PCDHA12: variants seen among roughly 807,000 people sequenced by gnomAD.
PCDHA12 encodes the protein protocadherin alpha-12.
PCDHA12 carries 44 observed loss-of-function variants against 60.0 expected under a neutral mutation model. The ratio of observed to expected loss-of-function variants is 0.73; its 90% CI spans 0.58 to 0.94. The LOEUF (loss-of-function observed/expected upper bound fraction) is 0.94. PCDHA12 is among the 40% of genes least tolerant of loss of function. The pLI is 0.00. For missense variants in PCDHA12, 1,276 were observed against 1,239.7 expected, an observed-to-expected ratio of 1.03 and a Z score of -0.44; for synonymous variants, 569 against 553.0, an observed-to-expected ratio of 1.03 and a Z score of -0.40.
chr5:140,949,935 T>C (rs1554219235), intron 1 of PCDHA12, among the ~76,000 whole-genome samples: 1 of 151,898 alleles, frequency 6.6e-6, no homozygotes, highest in East Asian at 1.9e-4. Context: ...TTTTTTTTAA[T>C]TTGCATTTTT....
intron 1 of PCDHA12, chr5:140,927,907 G>A (rs1179807732): frequency 4.9e-5 from 79 of 1,614,038 alleles, no homozygotes; most frequent in Non-Finnish European, 6.6e-5. Flanking sequence ...TCATGCCCCC[G>A]AACTGGACTT....
chr5:140,883,870 G>A, intron 1 of PCDHA12: 1 of 1,613,302 alleles, frequency 6.2e-7, no homozygotes. Flanking sequence ...TGCAGTTCCA[G>A]GTGAGCGCGC....
At position 140,877,008 on chromosome 5, in the gene PCDHA12, G is replaced by A. The variant is rs368922456; in HGVS notation, c.1536G>A (p.Ala512=). The change falls in exon 1 of 4, where the codon GCG becomes GCA. Residue 512 remains alanine (A), a synonymous_variant. Coordinates refer to ENST00000398631, the MANE Select transcript of PCDHA12 (RefSeq NM_018903.4). ...HALSSYVSVH[A]ESGKVYALQP... is the part of the protein sequence containing the mutation. Reference sequence around the variant, plus strand: ...TGTCGAGCTACGTGTCGGTGCACGCGGAGAGCGGCAAGGTGTACGCGCTGC... The same window carrying A: ...TGTCGAGCTACGTGTCGGTGCACGCAGAGAGCGGCAAGGTGTACGCGCTGC... 82 of 1,612,526 alleles carry A rather than the reference G, an allele frequency of 5.1e-5. No homozygotes were observed. The African/African-American group carries it at 9.3e-4, about 18-fold the overall frequency.
Position 140,960,269 on chromosome 5 carries a change from G to A in PCDHA12, c.2368-18680G>A, listed in dbSNP as rs148980300. On this transcript the variant is annotated intron_variant, in intron 1 of 3. Transcript: ENST00000398631. ...CTTCCTGGAGCTTCTGATAAATTCC[G>A]TCACCTTTTTGGGACCCAGTTTCTT... is the stretch of plus-strand genomic sequence containing the variant. Among the ~76,000 whole-genome samples, 355 of 152,162 alleles carry A rather than the reference G, an allele frequency of 2.3e-3. 1 individual carries two copies. The highest frequency in any genetic ancestry group is 7.0e-3 in the African/African-American group (290 of 41,548).
chr5:140,881,757 A>G (rs1238055344), intron 1 of PCDHA12, among the ~76,000 whole-genome samples: 1 of 152,166 alleles, frequency 6.6e-6, no homozygotes, highest in Non-Finnish European at 1.5e-5. Flanking sequence ...TACCACAAAA[A>G]CCTACATGAC....
chr5:140,877,540 G>A lies in PCDHA12; in HGVS notation c.2068G>A (p.Glu690Lys), dbSNP rs1044322759. 1.2e-6 allele frequency: 2 copies of A among 1,613,770 alleles called. No individual in the cohort carries two copies. The highest frequency in any genetic ancestry group is 2.2e-5 in the East Asian group (1 of 44,882). The change falls in exon 1 of 4, where the codon GAA becomes AAA. Residue 690 changes from glutamate to lysine, a missense_variant. Physicochemically the swap from Glu to Lys is moderately conservative, Grantham distance 56 (BLOSUM62 1). Transcript: ENST00000398631. Reference sequence around the variant, plus strand: ...GGCCTCAGTGGGCGCTGTGGATCCCGAAGCGGCTCTGGTGGATATTAACGT... The same window carrying A: ...GGCCTCAGTGGGCGCTGTGGATCCCAAAGCGGCTCTGGTGGATATTAACGT... ...SRASVGAVDP[E>K]AALVDINVYL...
intron 1 of PCDHA12, among the ~76,000 whole-genome samples, chr5:140,916,789 C>T (rs146305877): frequency 2.8e-4 from 42 of 152,168 alleles, no homozygotes; most frequent in Non-Finnish European, 4.7e-4. Context: ...TTAGCTGCCC[C>T]AGCTGATGAC....
intron 1 of PCDHA12, chr5:140,882,740 T>A (rs1554175394): frequency 6.2e-7 from 1 of 1,614,198 alleles, no homozygotes; most frequent in African/African-American, 1.3e-5. Flanking sequence ...AGATGGCGCA[T>A]CCGATGCAGA....
chr5:140,876,056 T>G lies in PCDHA12; in HGVS notation c.584T>G (p.Val195Gly). The change falls in exon 1 of 4, where the codon GTT becomes GGT. Residue 195 changes from valine (V) to glycine (G), a missense_variant. Coordinates refer to ENST00000398631, the MANE Select transcript of PCDHA12 (RefSeq NM_018903.4). ...GATAAAAGTATATTGCCTGAATTAG[T>G]TCTTCGGAAGTTATTGGACAGAGAG... The part of the protein sequence containing the change: ...KKDKSILPEL[V>G]LRKLLDREQT... 1 of 1,613,918 alleles carries G rather than the reference T, an allele frequency of 6.2e-7. No homozygotes were observed. Among genetic ancestry groups the G allele is most frequent in the Non-Finnish European group, 8.5e-7 (1 of 1,179,896 alleles).
chr5:140,917,777 T>C (rs913092177), intron 1 of PCDHA12, among the ~76,000 whole-genome samples: 7 of 152,214 alleles, frequency 4.6e-5, no homozygotes, highest in Non-Finnish European at 1.0e-4. Context: ...ATTAGTACCA[T>C]GTTGTTTTGG....
rs868916626 is a variant in PCDHA12, at chr5:140,946,629, T to C, written c.2368-32320T>C. 3.4e-3 allele frequency among the ~76,000 whole-genome samples: 415 copies of C among 123,330 alleles called. 16 individuals carry two copies. The highest frequency in any genetic ancestry group is 0.017 in the Middle Eastern group (4 of 240). The allele number at this position is 123,330 out of a possible 152,430, so 80.9% of individuals were successfully genotyped here. On this transcript the variant is annotated intron_variant, in intron 1 of 3. Coordinates refer to ENST00000398631, the MANE Select transcript of PCDHA12 (RefSeq NM_018903.4). ...AATGTGAAATATATATATATATATATATACAATGGAATACTCATCAGCCAT... is the reference window on the plus strand; with the variant it reads ...AATGTGAAATATATATATATATATACATACAATGGAATACTCATCAGCCAT...
intron 3 of PCDHA12, among the ~76,000 whole-genome samples, chr5:141,004,120 T>C (rs1340380913): frequency 6.6e-6 from 1 of 152,178 alleles, no homozygotes; most frequent in African/African-American, 2.4e-5. Flanking sequence ...AAAGGGAGTA[T>C]CTCCATGATT....
chr5:141,000,304 G>A (rs1225893261), intron 3 of PCDHA12, among the ~76,000 whole-genome samples: 1 of 147,530 alleles, frequency 6.8e-6, no homozygotes, highest in Non-Finnish European at 1.5e-5. Context: ...GAGGCCAGGA[G>A]TTCAAGACCA....
intron 1 of PCDHA12, among the ~76,000 whole-genome samples, chr5:140,925,526 C>T (rs2153578026): frequency 6.6e-6 from 1 of 152,028 alleles, no homozygotes; most frequent in Non-Finnish European, 1.5e-5. Flanking sequence ...AAATTAAAAG[C>T]GAGGAGAAAT....
intron 1 of PCDHA12, among the ~76,000 whole-genome samples, chr5:140,977,937 T>C (rs1264352481): frequency 5.3e-5 from 8 of 152,162 alleles, no homozygotes; most frequent in African/African-American, 1.9e-4. Flanking sequence ...TATACCTCAA[T>C]ATTCAGTGAC....
chr5:140,938,237 T>A (rs1287300526), intron 1 of PCDHA12, among the ~76,000 whole-genome samples: 1 of 152,208 alleles, frequency 6.6e-6, no homozygotes, highest in African/African-American at 2.4e-5. Context: ...TAGGCCACCA[T>A]GCCTGGTCTT....
At chr5:140,997,563 A>G (rs891862395) in intron 3 of PCDHA12, among the ~76,000 whole-genome samples, 7 of 152,202 alleles carry the variant, frequency 4.6e-5, no homozygotes, top group Non-Finnish European at 8.8e-5. Context: ...GACAACTGTC[A>G]TATGTGTGGT....
At chr5:140,968,808 TGGATAGGG>T (rs782488281) in intron 1 of PCDHA12, 2 of 1,614,204 alleles carry the variant, frequency 1.2e-6, no homozygotes, top group Non-Finnish European at 1.7e-6. Context: ...GTAGCTGTGG[TGGATAGGG>T]TTTCCAAAAT....
At chr5:140,941,209 T>TCC (rs59604197) in intron 1 of PCDHA12, among the ~76,000 whole-genome samples, 12 of 126,888 alleles carry the variant, frequency 9.5e-5, no homozygotes, top group Admixed American at 4.0e-4. Flanking sequence ...CTTCCTTTCT[T>TCC]TCTTCCTTTC....
Sources: allele counts gnomAD v4.1 joint callset (sites outside exome capture counted in the v4.1 genomes callset), GRCh38; gene constraint gnomAD v4.1.1; transcripts MANE v1.5; gene names NCBI Gene and HGNC (gene_info 2026-07-23, HGNC 2026-07-21).